ABLIM1: variants seen among roughly 807,000 people sequenced by gnomAD.
ABLIM1 encodes the protein actin binding LIM protein 1, also known as actin-binding LIM protein 1.
A neutral mutation model predicts 107.0 loss-of-function variants in ABLIM1; 40 were observed. The observed-to-expected ratio is 0.37, with a 90% CI of 0.29 to 0.49. ABLIM1 has a LOEUF of 0.49. Ranked by LOEUF, ABLIM1 falls within the 20% of genes least tolerant of loss-of-function variation. The probability of loss-of-function intolerance (pLI) is 0.97; values close to 1 mark genes in which losing one functional copy is unlikely to be tolerated. For synonymous variants in ABLIM1, 357 were observed against 357.3 expected (o/e 1.00, Z 0.01); for missense variants, 857 against 1,008.5 (o/e 0.85, Z 2.04).
At chr10:114,733,172 A>G (rs1159506006) in intron 1 of ABLIM1, among the ~76,000 whole-genome samples, 1 of 152,156 alleles carries the variant, frequency 6.6e-6, no homozygotes, top group African/African-American at 2.4e-5. Context: ...TAAGTTAGAA[A>G]GATTGGGTGG....
At chr10:114,528,972 C>T (rs2065163172) in intron 6 of ABLIM1, among the ~76,000 whole-genome samples, 1 of 152,138 alleles carries the variant, frequency 6.6e-6, no homozygotes, top group Non-Finnish European at 1.5e-5. Context: ...CACCTCACCT[C>T]ATGTTTAAGA....
At chr10:114,638,330 G>A (rs936316242) in intron 1 of ABLIM1, among the ~76,000 whole-genome samples, 2 of 152,132 alleles carry the variant, frequency 1.3e-5, no homozygotes, top group Non-Finnish European at 2.9e-5. Flanking sequence ...TGGAGAGAAA[G>A]TAGGCCAAAG....
At chr10:114,649,975 C>T (rs2079170567) in intron 1 of ABLIM1, among the ~76,000 whole-genome samples, 1 of 152,150 alleles carries the variant, frequency 6.6e-6, no homozygotes, top group Admixed American at 6.5e-5. Flanking sequence ...CCAGCCTCAG[C>T]CTCCTGAGTA....
chr10:114,471,955 G>C (rs2066660022), intron 10 of ABLIM1, among the ~76,000 whole-genome samples: 1 of 150,000 alleles, frequency 6.7e-6, no homozygotes, highest in Non-Finnish European at 1.5e-5. Context: ...AACGGACTTG[G>C]GTAGGAAGCG....
At chr10:114,568,798 A>G (rs1166307871) in intron 4 of ABLIM1, among the ~76,000 whole-genome samples, 2 of 152,280 alleles carry the variant, frequency 1.3e-5, no homozygotes, top group African/African-American at 4.8e-5. Flanking sequence ...ATAAGCAATG[A>G]TGGTTAAATA....
chr10:114,594,044 CT>C (rs1284013250), intron 2 of ABLIM1, among the ~76,000 whole-genome samples: 3 of 152,262 alleles, frequency 2.0e-5, no homozygotes, highest in Non-Finnish European at 4.4e-5. Context: ...GTTAACCTGC[CT>C]TTTAATCAGT....
At chr10:114,496,265 ATAAATC>A in intron 6 of ABLIM1, among the ~76,000 whole-genome samples, 1 of 152,254 alleles carries the variant, frequency 6.6e-6, no homozygotes, top group Non-Finnish European at 1.5e-5. Context: ...ACTTCGCTCT[ATAAATC>A]ATTAGTAAAA....
chr10:114,472,577 CTG>C (rs2066800082), intron 10 of ABLIM1, among the ~76,000 whole-genome samples: 1 of 152,114 alleles, frequency 6.6e-6, no homozygotes, highest in Non-Finnish European at 1.5e-5. Context: ...TTGCTGAAAA[CTG>C]TAATTACCAA....
At chr10:114,798,510 T>C in the ABLIM1 span, among the ~76,000 whole-genome samples, 11 of 150,448 alleles carry the variant, frequency 7.3e-5, no homozygotes, top group East Asian at 7.8e-4. Flanking sequence ...GGCAGGAGGA[T>C]TGCTTGAGCC....
At chr10:114,442,361 T>C (rs1293472672) in intron 17 of ABLIM1, among the ~76,000 whole-genome samples, 1 of 152,204 alleles carries the variant, frequency 6.6e-6, no homozygotes, top group Non-Finnish European at 1.5e-5. Flanking sequence ...TATGGAAGCC[T>C]GATAAGCTGC....
intron 2 of ABLIM1, among the ~76,000 whole-genome samples, chr10:114,576,311 G>T (rs1459849077): frequency 2.0e-5 from 3 of 152,154 alleles, no homozygotes; most frequent in Non-Finnish European, 4.4e-5. Context: ...GTTCAGACAA[G>T]ACCAGAGTAG....
intron 1 of ABLIM1, among the ~76,000 whole-genome samples, chr10:114,750,158 G>A (rs1367958006): frequency 6.6e-6 from 1 of 152,090 alleles, no homozygotes. Context: ...TGGAATGAAT[G>A]TAGTAGGTGG....
the ABLIM1 span, among the ~76,000 whole-genome samples, chr10:114,793,629 G>C: frequency 1.3e-5 from 2 of 152,166 alleles, no homozygotes; most frequent in African/African-American, 4.8e-5. Context: ...TGCTGAGGCT[G>C]GGTGTCCCAA....
intron 1 of ABLIM1, chr10:114,690,688 AT>A (rs542274760): frequency 0.03 from 11,668 of 391,704 alleles, 36 homozygotes; most frequent in South Asian, 0.088. Context: ...GCAAAAGCCT[AT>A]TTTTTTTTTT....
chr10:114,486,640 C>G (rs1406333503), intron 8 of ABLIM1, among the ~76,000 whole-genome samples: 1 of 152,176 alleles, frequency 6.6e-6, no homozygotes, highest in East Asian at 1.9e-4. Flanking sequence ...AGCGCAAAAC[C>G]ACCCTAAGCT....
chr10:114,725,313 AACAGAG>A (rs1453293964), intron 1 of ABLIM1, among the ~76,000 whole-genome samples: 1 of 152,194 alleles, frequency 6.6e-6, no homozygotes, highest in Non-Finnish European at 1.5e-5. Context: ...CCAAACAAGC[AACAGAG>A]ACAAAGACAA....
chr10:114,441,008 G>C lies in ABLIM1; in HGVS notation c.2059+9C>G. 6.3e-7 allele frequency: 1 copy of C among 1,583,780 alleles called. No homozygotes were observed. Among genetic ancestry groups the C allele is most frequent in the Non-Finnish European group, 8.6e-7 (1 of 1,163,530 alleles). Reference sequence around the variant, plus strand: ...GTGGCCATGCTCAGCCTGGCCATGGGAGCCTCACCTCGCACTCCCCCGCTG... The same window carrying C: ...GTGGCCATGCTCAGCCTGGCCATGGCAGCCTCACCTCGCACTCCCCCGCTG... On this transcript the variant is annotated intron_variant, in intron 19 of 22. Transcript: ENST00000533213.
At chr10:114,601,456 G>A (rs1264410539) in intron 2 of ABLIM1, among the ~76,000 whole-genome samples, 2 of 151,932 alleles carry the variant, frequency 1.3e-5, no homozygotes, top group East Asian at 1.9e-4. Context: ...AGTAGAGACG[G>A]GGTTTCACTG....
chr10:114,470,564 A>G (rs1457176172), intron 10 of ABLIM1, among the ~76,000 whole-genome samples: 1 of 152,178 alleles, frequency 6.6e-6, no homozygotes, highest in Non-Finnish European at 1.5e-5. Flanking sequence ...GTTCACTAAT[A>G]TATCTGATTT....
Sources: gnomAD v4.1 joint callset for allele counts (sites outside exome capture counted in the v4.1 genomes callset) on GRCh38, gnomAD v4.1.1 for gene constraint, MANE v1.5 for transcripts, NCBI Gene and HGNC (gene_info 2026-07-23, HGNC 2026-07-21) for gene names.